The following STRN3 variants were observed in gnomAD, a reference collection of about 807,000 sequenced individuals.
STRN3 encodes the protein striatin 3.
STRN3 carries 29 observed loss-of-function variants against 95.6 expected under a neutral mutation model. The ratio of observed to expected loss-of-function variants is 0.30; its 90% CI spans 0.23 to 0.41. The LOEUF is 0.41. STRN3 is among the 10% of genes least tolerant of loss of function. STRN3 has a pLI of 1.00. For missense variants in STRN3, 890 were observed against 972.1 expected, an observed-to-expected ratio of 0.92 and a Z score of 1.12; for synonymous variants, 331 against 357.6, an observed-to-expected ratio of 0.93 and a Z score of 0.84.
intron 1 of STRN3, among the ~76,000 whole-genome samples, chr14:31,019,591 C>G (rs894787850): frequency 6.6e-6 from 1 of 152,008 alleles, no homozygotes; most frequent in Non-Finnish European, 1.5e-5. Context: ...TCAAAGAATT[C>G]TGGCAGGAGG....
chr14:30,960,824 G>C (rs887084131), intron 1 of STRN3, among the ~76,000 whole-genome samples: 53 of 142,642 alleles, frequency 3.7e-4, no homozygotes, highest in African/African-American at 1.3e-3. Flanking sequence ...AGCTGAGATG[G>C]TGCCACTGCA....
chr14:30,964,568 A>C, intron 1 of STRN3: 1 of 163,298 alleles, frequency 6.1e-6, no homozygotes, highest in South Asian at 1.7e-4. Flanking sequence ...GGGAACAATG[A>C]CTGTTGATGT....
chr14:30,970,450 C>G (rs1880770407), intron 1 of STRN3, among the ~76,000 whole-genome samples: 1 of 152,298 alleles, frequency 6.6e-6, no homozygotes, highest in Non-Finnish European at 1.5e-5. Flanking sequence ...ACTAAAGGGA[C>G]AGCTCCCCTC....
Position 30,929,181 on chromosome 14 carries a change from T to A in STRN3, c.1099+20A>T, listed in dbSNP as rs770490501. ...AATTATTGGTATACAAAAATTATAA[T>A]AGTCAGAATCTGCACTTACTCTTCA... On this transcript the variant is annotated intron_variant, in intron 8 of 17. Transcript: ENST00000357479. 10 of 1,561,482 alleles carry A rather than the reference T, an allele frequency of 6.4e-6. No individual in the cohort carries two copies. Among genetic ancestry groups the A allele is most frequent in the East Asian group, 2.3e-5 (1 of 43,750 alleles).
intron 1 of STRN3, among the ~76,000 whole-genome samples, chr14:31,004,283 C>G (rs1161740794): frequency 1.3e-5 from 2 of 151,130 alleles, no homozygotes; most frequent in Non-Finnish European, 2.9e-5. Flanking sequence ...CAGGGTGCAA[C>G]CCTGCCTAAA....
intron 1 of STRN3, chr14:31,025,652 A>C: frequency 1.8e-6 from 1 of 563,194 alleles, no homozygotes; most frequent in Non-Finnish European, 3.0e-6. Flanking sequence ...ACGCCATACT[A>C]AAAGCCAAAA....
intron 1 of STRN3, among the ~76,000 whole-genome samples, chr14:31,004,704 C>T (rs1426056737): frequency 1.3e-5 from 2 of 151,848 alleles, no homozygotes; most frequent in Non-Finnish European, 1.5e-5. Context: ...ACCCGTGAGG[C>T]GGAGTTTGTG....
At position 31,007,407 on chromosome 14, in the gene STRN3, A is replaced by G. The variant is rs537907018; in HGVS notation, c.282+18497T>C. Among the ~76,000 whole-genome samples the G allele has an allele frequency of 3.9e-5, 6 of 152,360 alleles. No homozygotes were observed. The South Asian group carries it at 1.2e-3, about 32-fold the overall frequency. On this transcript the variant is annotated intron_variant, in intron 1 of 17. Transcript: ENST00000357479. ...TTGTAGAATCTTTTGGAAATATAGC[A>G]ATACATACCTAGAAAACTAGGCAAA...
chr14:30,933,621 T>C (rs1878666532), intron 7 of STRN3, among the ~76,000 whole-genome samples: 1 of 152,178 alleles, frequency 6.6e-6, no homozygotes, highest in Non-Finnish European at 1.5e-5. Context: ...AATGCTGATT[T>C]TGAAGAAAGG....
chr14:30,937,017 A>C (rs1280816288), intron 5 of STRN3, among the ~76,000 whole-genome samples: 1 of 152,170 alleles, frequency 6.6e-6, no homozygotes. Flanking sequence ...TAAAACAGTA[A>C]ATACCAAAGT....
chr14:30,925,245 GT>G (rs1232432658), intron 8 of STRN3, among the ~76,000 whole-genome samples: 19 of 147,568 alleles, frequency 1.3e-4, no homozygotes, highest in Admixed American at 1.0e-3. Context: ...GGGCAGGGGG[GT>G]AAAAAAAAGA....
At position 30,905,530 on chromosome 14, in the gene STRN3, A is replaced by G. The variant is rs201733494; in HGVS notation, c.1917T>C (p.Phe639=). Residue 639 remains phenylalanine (F), a synonymous_variant, in exon 15 of 18, where the codon TTT becomes TTC. Transcript: ENST00000357479. ...CCATATGAGCTGGATCACAGCCTAT[A>G]AAGTCAACTGATGTAGGTATTCCAT... ...KKHGIPTSVD[F]IGCDPAHMVT... 1.1e-4 allele frequency: 169 copies of G among 1,605,954 alleles called. 1 individual carries two copies. The highest frequency in any genetic ancestry group is 1.0e-3 in the African/African-American group (75 of 74,776).
intron 1 of STRN3, among the ~76,000 whole-genome samples, chr14:31,006,649 C>T (rs985324357): frequency 6.6e-6 from 1 of 151,904 alleles, no homozygotes; most frequent in Non-Finnish European, 1.5e-5. Flanking sequence ...GAGCTGAGAT[C>T]GCGCCACTGC....
chr14:30,947,349 A>T, intron 4 of STRN3, 86 bp from the exon 5 acceptor site: 2 of 1,029,414 alleles, frequency 1.9e-6, no homozygotes, highest in Non-Finnish European at 2.8e-6. Flanking sequence ...AAAACCCATA[A>T]TCCTATAAAA....
chr14:31,003,064 C>A (rs748145178), intron 1 of STRN3, among the ~76,000 whole-genome samples: 4 of 151,864 alleles, frequency 2.6e-5, no homozygotes, highest in Non-Finnish European at 5.9e-5. Flanking sequence ...GAGATTGAGA[C>A]CATCCTGGCC....
rs919842732 is a variant in STRN3, at chr14:31,026,328, G to C, written c.-143C>G. The C allele has an allele frequency of 1.9e-5, 17 of 897,380 alleles. No homozygotes were observed. The highest frequency in any genetic ancestry group is 2.3e-5 in the Non-Finnish European group (15 of 653,938). 55.6% of individuals were successfully genotyped at this position (897,380 alleles called of 1,614,324 possible). On this transcript the variant is annotated 5_prime_UTR_variant, in exon 1 of 18. Coordinates refer to ENST00000357479, the MANE Select transcript of STRN3 (RefSeq NM_001083893.2). The stretch of plus-strand genomic sequence containing the variant: ...GGGGTCGTTGCTGTGTGCCTGCCGT[G>C]GGTCAGAGCAGGGAGCTGCCGGCTG...
intron 5 of STRN3, among the ~76,000 whole-genome samples, chr14:30,938,787 T>TA (rs1167305364): frequency 2.0e-5 from 3 of 151,922 alleles, no homozygotes; most frequent in African/African-American, 7.3e-5. Context: ...AACAAAACAA[T>TA]AAAAAATGGG....
chr14:30,908,293 C>T (rs1896519890), intron 13 of STRN3, among the ~76,000 whole-genome samples: 1 of 152,158 alleles, frequency 6.6e-6, no homozygotes, highest in South Asian at 2.1e-4. Context: ...ATATGCTTTT[C>T]ACTTCCTGTT....
chr14:30,948,099 T>G (rs1027662001), intron 4 of STRN3, among the ~76,000 whole-genome samples: 1 of 152,162 alleles, frequency 6.6e-6, no homozygotes, highest in Non-Finnish European at 1.5e-5. Flanking sequence ...TTTGACATGA[T>G]GCACAAATGT....
Sources: allele counts gnomAD v4.1 joint callset (sites outside exome capture counted in the v4.1 genomes callset), GRCh38; gene constraint gnomAD v4.1.1; transcripts MANE v1.5; gene names NCBI Gene and HGNC (gene_info 2026-07-23, HGNC 2026-07-21).